Variants in SOBP observed in about 807,000 individuals in gnomAD.
SOBP encodes the protein sine oculis-binding protein homolog.
A neutral mutation model predicts 53.6 loss-of-function variants in SOBP; 4 were observed. The ratio of observed to expected loss-of-function variants is 0.07; its 90% CI spans 0.04 to 0.17. The LOEUF (loss-of-function observed/expected upper bound fraction) is 0.17, where lower values mean the gene tolerates loss of function less well. SOBP is among the 10% of genes least tolerant of loss of function. SOBP has a pLI of 1.00. For missense variants in SOBP, 1,088 were observed against 1,204.7 expected (o/e 0.90, Z 1.43); for synonymous variants, 584 against 522.6 (o/e 1.12, Z -1.60).
At chr6:107,536,157 T>C (rs906338241) in intron 4 of SOBP, among the ~76,000 whole-genome samples, 2 of 152,112 alleles carry the variant, frequency 1.3e-5, no homozygotes, top group African/African-American at 4.8e-5. Context: ...AAACATAAAA[T>C]TAACTGTGCT....
chr6:107,580,294 T>C (rs1271011362), intron 4 of SOBP, among the ~76,000 whole-genome samples: 1 of 152,230 alleles, frequency 6.6e-6, no homozygotes, highest in Non-Finnish European at 1.5e-5. Flanking sequence ...TGCAACTCTC[T>C]ACAATCTGTT....
chr6:107,614,888 C>T (rs1274530483), intron 5 of SOBP, among the ~76,000 whole-genome samples: 2 of 152,198 alleles, frequency 1.3e-5, no homozygotes, highest in Non-Finnish European at 2.9e-5. Flanking sequence ...GCATCATTGA[C>T]GTAAATTTCT....
intron 3 of SOBP, among the ~76,000 whole-genome samples, chr6:107,512,937 C>T (rs1783212694): frequency 6.6e-6 from 1 of 152,098 alleles, no homozygotes; most frequent in African/African-American, 2.4e-5. Context: ...CCCTGTAAAT[C>T]TCTGAATACT....
intron 6 of SOBP, among the ~76,000 whole-genome samples, chr6:107,650,706 G>A (rs1269072485): frequency 1.3e-5 from 2 of 151,944 alleles, no homozygotes; most frequent in Non-Finnish European, 2.9e-5. Context: ...CCTTCTCCTT[G>A]GGCCTCCCTA....
At chr6:107,629,150 T>G (rs1444474058) in intron 5 of SOBP, among the ~76,000 whole-genome samples, 1 of 152,028 alleles carries the variant, frequency 6.6e-6, no homozygotes, top group Non-Finnish European at 1.5e-5. Flanking sequence ...TAGTAGACAG[T>G]CAGATGAAGT....
chr6:107,620,699 TA>T (rs1205808803), intron 5 of SOBP, among the ~76,000 whole-genome samples: 9 of 152,238 alleles, frequency 5.9e-5, no homozygotes, highest in Admixed American at 5.9e-4. Flanking sequence ...AAATACCCAG[TA>T]ACACCTTTTA....
intron 2 of SOBP, among the ~76,000 whole-genome samples, chr6:107,504,915 C>T (rs1371892498): frequency 6.6e-6 from 1 of 152,106 alleles, no homozygotes; most frequent in Non-Finnish European, 1.5e-5. Context: ...TAATACTTGG[C>T]CTAGGTAATA....
chr6:107,528,640 G>C (rs949529398), intron 3 of SOBP, among the ~76,000 whole-genome samples: 2 of 152,332 alleles, frequency 1.3e-5, no homozygotes, highest in East Asian at 3.9e-4. Context: ...CACTTCAGCT[G>C]TCTCCTCAAA....
Position 107,635,555 on chromosome 6 carries a change from T to C in SOBP, c.*3+86T>C, listed in dbSNP as rs1026643683. The C allele has an allele frequency of 9.0e-6, 14 of 1,556,800 alleles. No homozygotes were observed. The highest frequency in any genetic ancestry group is 1.7e-4 in the Middle Eastern group (1 of 5,996). On this transcript the variant is annotated intron_variant, in intron 6 of 6. Transcript: ENST00000317357. This position sits in a 1 kb window ranked among gnomAD's most constrained non-coding sequence, Gnocchi z 4.5. ...AAGGCAGAGGGGAGAGTTGTAATTA[T>C]AGTCATGATTTTACCGTGTGTGTTT...
intron 4 of SOBP, among the ~76,000 whole-genome samples, chr6:107,549,302 AC>A (rs1267865393): frequency 2.0e-5 from 3 of 152,070 alleles, no homozygotes; most frequent in Admixed American, 6.6e-5. Context: ...ACAAAAAAAA[AC>A]AGATAAATCC....
At chr6:107,651,575 C>T (rs900191710) in intron 6 of SOBP, among the ~76,000 whole-genome samples, 2 of 152,206 alleles carry the variant, frequency 1.3e-5, no homozygotes, top group East Asian at 3.8e-4. Flanking sequence ...GATGTAGAAG[C>T]TGCAGCAAAC....
chr6:107,583,947 A>T (rs1785487110), intron 4 of SOBP, among the ~76,000 whole-genome samples: 1 of 152,184 alleles, frequency 6.6e-6, no homozygotes, highest in Non-Finnish European at 1.5e-5. Context: ...TCATGTTGGG[A>T]TTCAAAAAGT....
Position 107,520,678 on chromosome 6 carries a change from G to C in SOBP, c.422-12781G>C, listed in dbSNP as rs75929870. On this transcript the variant is annotated intron_variant, in intron 3 of 6. Coordinates refer to ENST00000317357, the MANE Select transcript of SOBP (RefSeq NM_018013.4). Reference sequence around the variant, plus strand: ...TGTGCCTTTCCTTTCTTGTTAGAGGGTGGCCGTGTTTCTGGCATTTCTTGT... The same window carrying C: ...TGTGCCTTTCCTTTCTTGTTAGAGGCTGGCCGTGTTTCTGGCATTTCTTGT... Among the ~76,000 whole-genome samples the C allele has an allele frequency of 3.2e-3, 491 of 152,310 alleles. 4 individuals are homozygous for C. The highest frequency in any genetic ancestry group is 0.011 in the African/African-American group (467 of 41,556).
intron 4 of SOBP, among the ~76,000 whole-genome samples, chr6:107,564,442 T>G (rs1027534502): frequency 1.3e-5 from 2 of 152,238 alleles, no homozygotes; most frequent in African/African-American, 4.8e-5. Context: ...CAATAACATT[T>G]GTCGTTACAC....
At chr6:107,530,956 A>G (rs1176836006) in intron 3 of SOBP, among the ~76,000 whole-genome samples, 1 of 152,258 alleles carries the variant, frequency 6.6e-6, no homozygotes, top group East Asian at 1.9e-4. Flanking sequence ...CCTTTAAAAA[A>G]TGACAAGTGG....
intron 5 of SOBP, among the ~76,000 whole-genome samples, chr6:107,627,366 A>G (rs1770505779): frequency 6.6e-6 from 1 of 152,198 alleles, no homozygotes; most frequent in Admixed American, 6.5e-5. Context: ...AACCAAGCCC[A>G]TCTCTGCTCT....
chr6:107,656,356 AGAAAGAAAGAAAGT>A (rs1772062396), intron 6 of SOBP, among the ~76,000 whole-genome samples: 2 of 30,556 alleles, frequency 6.5e-5, no homozygotes, highest in South Asian at 5.8e-4. Context: ...AAAGAAAGAA[AGAAAGAAAGAAAGT>A]AAGTCAAATG....
At chr6:107,579,570 C>T (rs1785340061) in intron 4 of SOBP, among the ~76,000 whole-genome samples, 1 of 152,142 alleles carries the variant, frequency 6.6e-6, no homozygotes, top group Non-Finnish European at 1.5e-5. Context: ...GATGTGGAAT[C>T]TGTTGCCATA....
chr6:107,598,990 G>A (rs1005633932), intron 5 of SOBP, among the ~76,000 whole-genome samples: 1 of 152,162 alleles, frequency 6.6e-6, no homozygotes, highest in African/African-American at 2.4e-5. Context: ...GAGTGATTCA[G>A]GGATCAGTAC....
Sources: gnomAD v4.1 joint callset for allele counts (sites outside exome capture counted in the v4.1 genomes callset) on GRCh38, gnomAD v4.1.1 for gene constraint, Gnocchi (gnomAD v3.1) non-coding constraint, MANE v1.5 for transcripts, NCBI Gene and HGNC (gene_info 2026-07-23, HGNC 2026-07-21) for gene names.